Variants in FANCL observed in about 807,000 individuals in gnomAD.
FANCL encodes E3 ubiquitin-protein ligase FANCL.
In FANCL, 69 loss-of-function variants were observed where a neutral mutation model predicts 59.4. The ratio of observed to expected loss-of-function variants is 1.16; its 90% CI spans 0.96 to 1.42. FANCL has a LOEUF of 1.42. Among genes scored for constraint, FANCL ranks in the 40% most tolerant of loss-of-function variants. FANCL has a pLI of 0.00. For synonymous variants in FANCL, 180 were observed against 147.1 expected (o/e 1.22, Z -1.62); for missense variants, 519 against 447.2 (o/e 1.16, Z -1.45).
intron 5 of FANCL, among the ~76,000 whole-genome samples, chr2:58,210,145 A>C (rs1690988547): frequency 1.3e-5 from 2 of 152,188 alleles, no homozygotes; most frequent in Admixed American, 1.3e-4. Flanking sequence ...TATTACAATA[A>C]ATGTATCTTA....
chr2:58,191,720 T>C (rs562294011), intron 7 of FANCL, among the ~76,000 whole-genome samples: 1 of 152,022 alleles, frequency 6.6e-6, no homozygotes, highest in South Asian at 2.1e-4. Context: ...TCCACAAATA[T>C]ACAATATCAT....
chr2:58,235,524 T>A (rs1693931649), intron 1 of FANCL, among the ~76,000 whole-genome samples: 1 of 152,146 alleles, frequency 6.6e-6, no homozygotes, highest in Admixed American at 6.5e-5. Context: ...TGTTTCCAAG[T>A]AATTTAACTG....
At chr2:58,227,465 T>G (rs1693133120) in intron 3 of FANCL, among the ~76,000 whole-genome samples, 1 of 152,138 alleles carries the variant, frequency 6.6e-6, no homozygotes, top group African/African-American at 2.4e-5. Context: ...GGAGACGGTT[T>G]TCCCCTGGCG....
intron 1 of FANCL, among the ~76,000 whole-genome samples, chr2:58,240,111 A>T (rs1573854276): frequency 1.4e-5 from 1 of 69,608 alleles, no homozygotes; most frequent in African/African-American, 2.0e-4. Flanking sequence ...TGCTTCCTGT[A>T]AAAAAAAAAA....
chr2:58,239,574 TAAAC>T (rs575073708), intron 1 of FANCL, among the ~76,000 whole-genome samples: 141 of 152,336 alleles, frequency 9.3e-4, no homozygotes, highest in Middle Eastern at 3.4e-3. Flanking sequence ...AACTGTATCA[TAAAC>T]AAAATTTGAA....
intron 7 of FANCL, among the ~76,000 whole-genome samples, chr2:58,187,119 T>C (rs927740523): frequency 6.6e-6 from 1 of 152,248 alleles, no homozygotes; most frequent in African/African-American, 2.4e-5. Context: ...TGCACACATA[T>C]GTTTATTGCG....
At chr2:58,167,436 T>G (rs574393932) in intron 7 of FANCL, among the ~76,000 whole-genome samples, 1 of 152,310 alleles carries the variant, frequency 6.6e-6, no homozygotes, top group East Asian at 1.9e-4. Flanking sequence ...TTTCTACATG[T>G]GTATTTAAAA....
Position 58,204,298 on chromosome 2 carries a change from T to C in FANCL, c.375-72A>G. 2.7e-6 allele frequency: 3 copies of C among 1,120,788 alleles called. 1 individual carries two copies. Among genetic ancestry groups the C allele is most frequent in the South Asian group, 2.5e-5 (2 of 81,008 alleles). 69.4% of individuals were successfully genotyped at this position (1,120,788 alleles called of 1,614,324 possible). A position where few individuals can be genotyped will look rare whatever the true frequency, so the allele number is the denominator to read the frequency against. ...GAGAGGGGAACTGGAGATGGTTGAA[T>C]TTGAAATGAAAATATTTGCTATATT... On this transcript the variant is annotated intron_variant, in intron 5 of 13. Transcript: ENST00000233741.
intron 4 of FANCL, among the ~76,000 whole-genome samples, chr2:58,224,224 A>G (rs1692750681): frequency 6.6e-6 from 1 of 151,848 alleles, no homozygotes; most frequent in Non-Finnish European, 1.5e-5. Flanking sequence ...CATGATATCT[A>G]TACTTTTACT....
At chr2:58,166,594 G>A (rs1685976715) in intron 7 of FANCL, among the ~76,000 whole-genome samples, 1 of 152,168 alleles carries the variant, frequency 6.6e-6, no homozygotes. Context: ...AATGTGGTAT[G>A]TTTAAAAGAT....
intron 12 of FANCL, among the ~76,000 whole-genome samples, chr2:58,161,221 A>G (rs2104779518): frequency 6.6e-6 from 1 of 152,136 alleles, no homozygotes; most frequent in Non-Finnish European, 1.5e-5. Flanking sequence ...GTAACAAGGA[A>G]TTTATAGAAA....
intron 7 of FANCL, among the ~76,000 whole-genome samples, chr2:58,177,216 A>G (rs948751415): frequency 2.0e-5 from 3 of 152,184 alleles, no homozygotes; most frequent in African/African-American, 7.2e-5. Context: ...TGTGGAAGTC[A>G]GTGTGGCGAT....
At chr2:58,206,953 T>A (rs1690648097) in intron 5 of FANCL, among the ~76,000 whole-genome samples, 1 of 152,182 alleles carries the variant, frequency 6.6e-6, no homozygotes, top group South Asian at 2.1e-4. Context: ...TGCCCTCTAG[T>A]ATTTAACTTA....
At chr2:58,180,702 A>G (rs998738284) in intron 7 of FANCL, among the ~76,000 whole-genome samples, 4 of 152,148 alleles carry the variant, frequency 2.6e-5, no homozygotes, top group East Asian at 1.9e-4. Context: ...AACTTAAAAC[A>G]TAATTAAAAA....
intron 8 of FANCL, among the ~76,000 whole-genome samples, chr2:58,164,045 A>G (rs1685606282): frequency 6.6e-6 from 1 of 152,010 alleles, no homozygotes; most frequent in African/African-American, 2.4e-5. Flanking sequence ...TTCCCTTATA[A>G]TTTAACAAAA....
intron 7 of FANCL, 103 bp downstream of exon 7, chr2:58,198,491 T>C (rs1689663239): frequency 2.1e-6 from 2 of 954,292 alleles, no homozygotes; most frequent in South Asian, 3.0e-5. Flanking sequence ...GATTTTGGTA[T>C]TTACAGAGGG....
chr2:58,186,256 A>G lies in FANCL; in HGVS notation c.540+12338T>C, dbSNP rs188156953. On this transcript the variant is annotated intron_variant, in intron 7 of 13. Coordinates refer to ENST00000233741, the MANE Select transcript of FANCL (RefSeq NM_018062.4). ...TTGAAAAATAAGTCAAATAATCAAA[A>G]AGCAAACATCAGAATTTTCTTTAAG... is the stretch of plus-strand genomic sequence containing the variant. Among the ~76,000 whole-genome samples, 11 of 152,320 alleles carry G rather than the reference A, an allele frequency of 7.2e-5. No homozygotes were observed. In the East Asian group the frequency reaches 2.1e-3, roughly 29 times the overall value.
At chr2:58,210,505 CT>C (rs1271539431) in intron 5 of FANCL, among the ~76,000 whole-genome samples, 8 of 152,124 alleles carry the variant, frequency 5.3e-5, no homozygotes, top group African/African-American at 9.7e-5. Flanking sequence ...CATTCTACCC[CT>C]GACCCCTCCC....
chr2:58,203,884 T>C (rs953328095), intron 6 of FANCL, among the ~76,000 whole-genome samples: 2 of 152,044 alleles, frequency 1.3e-5, no homozygotes, highest in African/African-American at 4.8e-5. Context: ...GTCTATAAAA[T>C]TGTAACTGTA....
Sources: gnomAD v4.1 joint callset for allele counts (sites outside exome capture counted in the v4.1 genomes callset) on GRCh38, gnomAD v4.1.1 for gene constraint, MANE v1.5 for transcripts, NCBI Gene and HGNC (gene_info 2026-07-23, HGNC 2026-07-21) for gene names.